Variants in RCAN2 observed in about 807,000 individuals in gnomAD.
RCAN2 encodes regulator of calcineurin 2.
Under a neutral mutation model 23.6 loss-of-function variants are expected in RCAN2, and 9 were observed. The ratio of observed to expected loss-of-function variants is 0.38; its 90% confidence interval spans 0.23 to 0.67. The LOEUF (loss-of-function observed/expected upper bound fraction) is 0.67, where lower values mean the gene tolerates loss of function less well. Among genes scored for constraint, RCAN2 ranks in the 30% least tolerant of loss-of-function variants. The pLI is 0.51. For missense variants in RCAN2, 273 were observed against 302.3 expected, an observed-to-expected ratio of 0.90 and a Z score of 0.72; for synonymous variants, 109 against 115.7, an observed-to-expected ratio of 0.94 and a Z score of 0.37.
At chr6:46,314,385 G>T (rs937273674) in intron 2 of RCAN2, among the ~76,000 whole-genome samples, 2 of 139,392 alleles carry the variant, frequency 1.4e-5, no homozygotes, top group Admixed American at 7.1e-5. Flanking sequence ...AAAAAGAAAA[G>T]AAAAAAAACC....
In RCAN2 at chr6:46,423,032, A is replaced by G. The variant is rs556788491; in HGVS notation, c.225+33720T>C. Among the ~76,000 whole-genome samples, 6 of 152,202 alleles carry G rather than the reference A, an allele frequency of 3.9e-5. No homozygotes were observed. The South Asian group carries it at 1.2e-3, about 32-fold the overall frequency. On this transcript the variant is annotated intron_variant, in intron 2 of 4. Transcript: ENST00000371374. Reference sequence around the variant, plus strand: ...CCTCCTGTGACTGTCAGGCCAGAGGATCCAGAGGACCTTGGTTCCTGGGGA... The same window carrying G: ...CCTCCTGTGACTGTCAGGCCAGAGGGTCCAGAGGACCTTGGTTCCTGGGGA...
chr6:46,298,486 T>C (rs973042667), intron 2 of RCAN2, among the ~76,000 whole-genome samples: 2 of 152,130 alleles, frequency 1.3e-5, no homozygotes, highest in Non-Finnish European at 2.9e-5. Context: ...ATTCTTACAA[T>C]GCGATGTTAC....
intron 2 of RCAN2, among the ~76,000 whole-genome samples, chr6:46,324,274 C>T (rs1763718529): frequency 1.3e-5 from 2 of 152,180 alleles, no homozygotes; most frequent in Admixed American, 6.5e-5. Flanking sequence ...TACAGGGCTA[C>T]ATGTTTAAAA....
At chr6:46,279,655 A>G (rs1255269046) in intron 2 of RCAN2, among the ~76,000 whole-genome samples, 1 of 152,234 alleles carries the variant, frequency 6.6e-6, no homozygotes, top group Admixed American at 6.5e-5. Flanking sequence ...AATCGGGGGA[A>G]GTATGGTATA....
intron 2 of RCAN2, among the ~76,000 whole-genome samples, chr6:46,394,959 T>C (rs1766047274): frequency 1.3e-5 from 2 of 152,114 alleles, no homozygotes; most frequent in Admixed American, 6.6e-5. Flanking sequence ...AAAAAACCCA[T>C]GAATCCCCTG....
intron 3 of RCAN2, among the ~76,000 whole-genome samples, 167 bp downstream of exon 3, chr6:46,248,556 G>A (rs1766600623): frequency 6.6e-6 from 1 of 152,062 alleles, no homozygotes; most frequent in African/African-American, 2.4e-5. Context: ...TGTTTTCTAA[G>A]CCACTAAGCT....
At chr6:46,450,259 T>C (rs1767837523) in intron 2 of RCAN2, among the ~76,000 whole-genome samples, 1 of 151,972 alleles carries the variant, frequency 6.6e-6, no homozygotes, top group Non-Finnish European at 1.5e-5. Context: ...AAATATCACC[T>C]CACACCTGTT....
intron 4 of RCAN2, among the ~76,000 whole-genome samples, chr6:46,245,088 C>T (rs1561824827): frequency 6.6e-6 from 1 of 152,190 alleles, no homozygotes; most frequent in Admixed American, 6.5e-5. Context: ...AGATCAGGAT[C>T]CTGGATGTGA....
intron 4 of RCAN2, among the ~76,000 whole-genome samples, chr6:46,233,099 A>G (rs547339930): frequency 2.0e-5 from 3 of 152,304 alleles, no homozygotes; most frequent in African/African-American, 7.2e-5. Context: ...GAAAGGAGGT[A>G]AGGAATCCTG....
At chr6:46,371,091 C>T (rs1035985471) in intron 2 of RCAN2, among the ~76,000 whole-genome samples, 1 of 152,004 alleles carries the variant, frequency 6.6e-6, no homozygotes. Flanking sequence ...GGGAGAGGAC[C>T]CATAGCTTTC....
chr6:46,350,751 T>C (rs1764623942), intron 2 of RCAN2, among the ~76,000 whole-genome samples: 1 of 152,220 alleles, frequency 6.6e-6, no homozygotes, highest in African/African-American at 2.4e-5. Flanking sequence ...CCTACCTTAA[T>C]AGCTTGAGGA....
Position 46,247,906 on chromosome 6 carries a change from A to G in RCAN2, c.399+817T>C, listed in dbSNP as rs78192758. ...AATTCAATGCTTAACTTTTTAAGGAACTGAGTGAGATTTTAAAGACGAGGA... is the reference window on the plus strand; with the variant it reads ...AATTCAATGCTTAACTTTTTAAGGAGCTGAGTGAGATTTTAAAGACGAGGA... On this transcript the variant is annotated intron_variant, in intron 3 of 4. Coordinates refer to ENST00000371374, the MANE Select transcript of RCAN2 (RefSeq NM_001251974.2). 9.9e-3 allele frequency among the ~76,000 whole-genome samples: 1,504 copies of G among 152,368 alleles called. 11 individuals are homozygous for G. The highest frequency in any genetic ancestry group is 0.015 in the Non-Finnish European group (1,014 of 68,038).
At chr6:46,311,631 G>A (rs899002709) in intron 2 of RCAN2, among the ~76,000 whole-genome samples, 23 of 152,288 alleles carry the variant, frequency 1.5e-4, no homozygotes, top group East Asian at 5.8e-4. Flanking sequence ...GAAGTAATCC[G>A]ATTGAAGAGT....
chr6:46,347,371 A>G (rs1338198704), intron 2 of RCAN2, among the ~76,000 whole-genome samples: 1 of 152,190 alleles, frequency 6.6e-6, no homozygotes, highest in Non-Finnish European at 1.5e-5. Flanking sequence ...AATGAAGTCT[A>G]GAACCTAGAT....
At chr6:46,360,298 C>T (rs780170174) in intron 2 of RCAN2, among the ~76,000 whole-genome samples, 10 of 151,752 alleles carry the variant, frequency 6.6e-5, no homozygotes, top group South Asian at 4.2e-4. Context: ...TTTGGGAGGC[C>T]GAGGTGGGCG....
intron 2 of RCAN2, among the ~76,000 whole-genome samples, chr6:46,377,170 G>T (rs1765497979): frequency 6.6e-6 from 1 of 152,152 alleles, no homozygotes; most frequent in Admixed American, 6.5e-5. Flanking sequence ...CTGAAAGTGG[G>T]TGGGGGCAAA....
chr6:46,227,030 A>C (rs563787426), intron 4 of RCAN2, among the ~76,000 whole-genome samples: 2 of 152,344 alleles, frequency 1.3e-5, no homozygotes, highest in African/African-American at 4.8e-5. Flanking sequence ...CCTTTTCTGC[A>C]TCTATTGAGA....
chr6:46,410,307 TA>T (rs1468757879), intron 2 of RCAN2, among the ~76,000 whole-genome samples: 1 of 152,214 alleles, frequency 6.6e-6, no homozygotes, highest in Non-Finnish European at 1.5e-5. Context: ...CTAATTTCCT[TA>T]ATAAATCCCC....
intron 2 of RCAN2, among the ~76,000 whole-genome samples, chr6:46,437,890 C>T (rs914467121): frequency 5.9e-5 from 9 of 152,198 alleles, no homozygotes; most frequent in African/African-American, 2.2e-4. Context: ...ACCCTCTCTC[C>T]TCACAGGTTG....
Sources: gnomAD v4.1 joint callset for allele counts (sites outside exome capture counted in the v4.1 genomes callset) on GRCh38, gnomAD v4.1.1 for gene constraint, MANE v1.5 for transcripts, NCBI Gene and HGNC (gene_info 2026-07-23, HGNC 2026-07-21) for gene names.